Variants in PANK2 observed in about 807,000 individuals in gnomAD.
PANK2 encodes pantothenate kinase 2, also known as pantothenate kinase 2, mitochondrial.
A neutral mutation model predicts 43.1 loss-of-function variants in PANK2; 36 were observed. The observed-to-expected ratio is 0.84, with a 90% CI of 0.64 to 1.10. PANK2 has a LOEUF of 1.10. Ranked by LOEUF, PANK2 falls within the 50% of genes least tolerant of loss-of-function variation. The pLI is 0.00. For missense variants in PANK2, 576 were observed against 593.3 expected (o/e 0.97, Z 0.30); for synonymous variants, 281 against 238.2 (o/e 1.18, Z -1.66).
chr20:3,889,280 T>C, upstream of PANK2: 1 of 1,610,168 alleles, frequency 6.2e-7, no homozygotes, highest in South Asian at 1.1e-5. Context: ...CTCCTCGAGT[T>C]AGGGAGCCGA....
Position 3,907,976 on chromosome 20 carries a change from T to C in PANK2, c.349T>C (p.Tyr117His). The C allele has an allele frequency of 6.2e-7, 1 of 1,614,182 alleles. No individual in the cohort carries two copies. Among genetic ancestry groups the C allele is most frequent in the Non-Finnish European group, 8.5e-7 (1 of 1,180,034 alleles). The stretch of plus-strand genomic sequence containing the variant: ...CGGTGGAACTCTGGTCAAGCTGGTA[T>C]ATTTTGAACCCAAAGACATCACTGC... The change falls in exon 2 of 7, where the codon TAT (tyrosine) becomes CAT (histidine). Residue 117 changes from tyrosine (Y) to histidine (H), a missense_variant. By Grantham distance (83) the Tyr-to-His change is moderately conservative. Transcript: ENST00000610179.
intron 6 of PANK2, among the ~76,000 whole-genome samples, chr20:3,919,221 A>G (rs1045444648): frequency 2.0e-5 from 3 of 152,084 alleles, no homozygotes; most frequent in African/African-American, 7.2e-5. Context: ...CTTTTTTGGT[A>G]GTTTAATTTC....
Position 3,908,061 on chromosome 20 carries a change from A to T in PANK2, c.434A>T (p.Asn145Ile), listed in dbSNP as rs143474105. The change falls in exon 2 of 7, where the codon AAT (asparagine) becomes ATT (isoleucine). Residue 145 changes from asparagine to isoleucine, a missense_variant. Coordinates refer to ENST00000610179, the MANE Select transcript of PANK2 (RefSeq NM_001386393.1). The stretch of plus-strand genomic sequence containing the variant: ...AGCATTCGGAAGTACCTGACCTCCA[A>T]TGTGGCTTATGGGTCTACAGGCATT... 1.2e-6 allele frequency: 2 copies of T among 1,614,188 alleles called. No homozygotes were observed. The highest frequency in any genetic ancestry group is 1.1e-5 in the South Asian group (1 of 91,082).
chr20:3,908,544 G>A (rs2090423219), intron 2 of PANK2: 4 of 445,170 alleles, frequency 9.0e-6, no homozygotes, highest in South Asian at 2.7e-5. Context: ...TATACGTTGA[G>A]GAAGAAACTA....
intron 2 of PANK2, 69 bp downstream of exon 2, chr20:3,908,347 G>A: frequency 7.4e-7 from 1 of 1,350,842 alleles, no homozygotes; most frequent in South Asian, 1.2e-5. Flanking sequence ...AGTAGCAAGT[G>A]GTGAAATAAT....
upstream of PANK2, chr20:3,888,940 ACCAGCGGCCAGACG>A: frequency 6.7e-6 from 4 of 596,316 alleles, no homozygotes; most frequent in East Asian, 2.9e-5. Context: ...TCTGCCGACG[ACCAGCGGCCAGACG>A]CTGCGGGAGC....
chr20:3,905,601 C>G (rs535114779), intron 1 of PANK2, among the ~76,000 whole-genome samples: 35 of 152,130 alleles, frequency 2.3e-4, no homozygotes, highest in Middle Eastern at 3.4e-3. Flanking sequence ...CCCGCCTCGG[C>G]CTCCCAAAGT....
chr20:3,919,623 T>C (rs1349309913), intron 6 of PANK2, among the ~76,000 whole-genome samples: 1 of 152,190 alleles, frequency 6.6e-6, no homozygotes, highest in Non-Finnish European at 1.5e-5. Flanking sequence ...TCATAGCCTG[T>C]CTTGGAAAGC....
At chr20:3,919,691 G>GTTCT (rs1456151019) in intron 6 of PANK2, among the ~76,000 whole-genome samples, 1 of 151,856 alleles carries the variant, frequency 6.6e-6, no homozygotes, top group African/African-American at 2.4e-5. Context: ...GCGTGTAGGG[G>GTTCT]TTCTTTCTTC....
rs185849293 is a variant in PANK2, at chr20:3,913,582, G to A, written c.1082+948G>A. On this transcript the variant is annotated intron_variant, in intron 4 of 6. Transcript: ENST00000610179. The stretch of plus-strand genomic sequence containing the variant: ...AGGTCTCGAACTCAGGTGATCTGCC[G>A]CCTCAGCCTCCCAAAGTGCTAGGAT... Among the ~76,000 whole-genome samples, 119 of 151,948 alleles carry A rather than the reference G, an allele frequency of 7.8e-4. No individual in the cohort carries two copies. In the East Asian group the frequency reaches 9.9e-3, roughly 13 times the overall value.
intron 3 of PANK2, 55 bp from the exon 4 acceptor site, chr20:3,912,403 C>G: frequency 6.3e-7 from 1 of 1,583,112 alleles, no homozygotes; most frequent in Non-Finnish European, 8.7e-7. Flanking sequence ...ATGTTAACTT[C>G]TTGTTCTTAT....
intron 6 of PANK2, among the ~76,000 whole-genome samples, chr20:3,921,062 A>T (rs1471208660): frequency 1.3e-5 from 2 of 151,564 alleles, no homozygotes; most frequent in East Asian, 3.9e-4. Flanking sequence ...ATTTTATTTT[A>T]TTTTTTTATT....
intron 1 of PANK2, among the ~76,000 whole-genome samples, chr20:3,905,718 T>C (rs1322193390): frequency 1.3e-4 from 13 of 97,726 alleles, no homozygotes; most frequent in African/African-American, 2.9e-4. Context: ...ACCCACACCC[T>C]TTTTTTTTTT....
Position 3,889,426 on chromosome 20 carries a change from C to A in PANK2, c.-5C>A, listed in dbSNP as rs746763863. On this transcript the variant is annotated 5_prime_UTR_variant, in exon 1 of 7. Coordinates refer to ENST00000610179, the MANE Select transcript of PANK2 (RefSeq NM_001386393.1). ...GCCGCGGAGGAGGCGAGAAGGAATC[C>A]GACGCTGGGGGGCTTGCTCGGGCGG... is the stretch of plus-strand genomic sequence containing the variant. 5.1e-6 allele frequency: 8 copies of A among 1,567,302 alleles called. No homozygotes were observed. The highest frequency in any genetic ancestry group is 1.2e-5 in the South Asian group (1 of 86,630).
rs374330421 is a variant in PANK2 at position 3,917,421 on chromosome 20, C to T, written c.1206+371C>T. ...CTAGGGAGGAATCCAGAGGAAGTCA[C>T]GGAAGCTGGGAGAAGACTGAGCAGG... is the stretch of plus-strand genomic sequence containing the variant. On this transcript the variant is annotated intron_variant, in intron 5 of 6. Coordinates refer to ENST00000610179, the MANE Select transcript of PANK2 (RefSeq NM_001386393.1). 5.9e-4 allele frequency: 318 copies of T among 534,900 alleles called. 1 individual carries two copies. The highest frequency in any genetic ancestry group is 5.4e-3 in the African/African-American group (281 of 52,120). The allele number at this position is 534,900 out of a possible 1,614,324, so 33.1% of individuals were successfully genotyped here.
chr20:3,924,395 C>T lies in PANK2; in HGVS notation c.*1101C>T, dbSNP rs2090691215. 6.6e-6 allele frequency: 1 copy of T among 152,278 alleles called. No individual in the cohort carries two copies. Among genetic ancestry groups the T allele is most frequent in the Admixed American group, 6.5e-5 (1 of 15,286 alleles). The allele number at this position is 152,278 out of a possible 1,614,324, so 9.4% of individuals were successfully genotyped here. ...CCCAAGGCTCTGCAGCCTCCCTGCTCCCCTCCGTTTAAGGCTGTGGTCAGG... is the reference window on the plus strand; with the variant it reads ...CCCAAGGCTCTGCAGCCTCCCTGCTTCCCTCCGTTTAAGGCTGTGGTCAGG... On this transcript the variant is annotated 3_prime_UTR_variant, in exon 7 of 7. Transcript: ENST00000610179.
chr20:3,910,890 G>T, intron 3 of PANK2, 60 bp downstream of exon 3: 1 of 1,586,838 alleles, frequency 6.3e-7, no homozygotes, highest in East Asian at 2.2e-5. Context: ...GAGTTTTCAG[G>T]TATTACATGT....
chr20:3,921,062 A>AT (rs1157882105), intron 6 of PANK2, among the ~76,000 whole-genome samples: 1 of 151,564 alleles, frequency 6.6e-6, no homozygotes, highest in Non-Finnish European at 1.5e-5. Context: ...ATTTTATTTT[A>AT]TTTTTTTATT....
intron 1 of PANK2, among the ~76,000 whole-genome samples, chr20:3,894,757 T>G (rs1284377717): frequency 2.0e-5 from 3 of 152,108 alleles, no homozygotes; most frequent in African/African-American, 7.2e-5. Flanking sequence ...TTATCAACTT[T>G]AAGTGGAACC....
Sources: gnomAD v4.1 joint callset for allele counts (sites outside exome capture counted in the v4.1 genomes callset) on GRCh38, gnomAD v4.1.1 for gene constraint, MANE v1.5 for transcripts, NCBI Gene and HGNC (gene_info 2026-07-23, HGNC 2026-07-21) for gene names.